The following SLC22A31 variants were observed in gnomAD, a reference collection of about 807,000 sequenced individuals.
The protein encoded by SLC22A31 is solute carrier family 22 member 31, also known as putative solute carrier family 22 member 31.
SLC22A31 carries 42 observed loss-of-function variants against 27.4 expected under a neutral mutation model. The ratio of observed to expected loss-of-function variants is 1.53; its 90% CI spans 1.20 to 1.98. The LOEUF (loss-of-function observed/expected upper bound fraction) is 1.98. Among genes scored for constraint, SLC22A31 ranks in the 30% most tolerant of loss-of-function variants. SLC22A31 has a pLI of 0.00. For synonymous variants in SLC22A31, 290 were observed against 230.8 expected (o/e 1.26, Z -2.33); for missense variants, 593 against 479.9 (o/e 1.24, Z -2.20).
upstream of SLC22A31, among the ~76,000 whole-genome samples, chr16:89,200,663 G>A (rs912062683): frequency 6.6e-6 from 1 of 152,166 alleles, no homozygotes; most frequent in Non-Finnish European, 1.5e-5. Flanking sequence ...CAGGATGGGG[G>A]ATGGGGGCCT....
At chr16:89,196,669 C>G (rs1005171341) in intron 8 of SLC22A31, among the ~76,000 whole-genome samples, 1 of 152,214 alleles carries the variant, frequency 6.6e-6, no homozygotes. Flanking sequence ...GGAAAGTGGC[C>G]GGGCACAGTG....
upstream of SLC22A31, chr16:89,201,172 G>A (rs1597324418): frequency 2.6e-6 from 1 of 378,062 alleles, no homozygotes; most frequent in Middle Eastern, 6.8e-4. Context: ...GCCCGGGTCA[G>A]AGGCGCCAGG....
chr16:89,197,515 T>G, intron 7 of SLC22A31, 106 bp from the exon 8 acceptor site: 1 of 733,558 alleles, frequency 1.4e-6, no homozygotes, highest in Admixed American at 2.8e-5. Flanking sequence ...GGACCCACTT[T>G]CCAAGCCTCC....
At chr16:89,199,864 G>A (rs1916381270) in intron 1 of SLC22A31, 48 bp from the exon 2 acceptor site, 1 of 401,164 alleles carries the variant, frequency 2.5e-6, no homozygotes, top group Non-Finnish European at 4.4e-6. Flanking sequence ...ACCCTCCCCT[G>A]GGGACAGGTG....
At position 89,196,182 on chromosome 16, in the gene SLC22A31, G is replaced by C; in HGVS notation, c.1158C>G (p.Val386=). 1 of 1,535,212 alleles carries C rather than the reference G, an allele frequency of 6.5e-7. No individual in the cohort carries two copies. The highest frequency in any genetic ancestry group is 2.4e-5 in the East Asian group (1 of 40,908). The change falls in exon 9 of 9, where the codon GTC becomes GTG. Residue 386 remains valine (V), a synonymous_variant. Coordinates refer to ENST00000682282, the MANE Select transcript of SLC22A31 (RefSeq NM_001384763.1). The part of the protein sequence containing the change: ...LQQVVFASLA[V]LALLCVLLLP... ...GCAGCAGGACACACAGCAGGGCAAG[G>C]ACAGCAAGGGAGGCGAAGACGACTT...
chr16:89,197,265 C>T, intron 8 of SLC22A31, 33 bp downstream of exon 8: 1 of 1,509,024 alleles, frequency 6.6e-7, no homozygotes. Flanking sequence ...GGCCCTGGAC[C>T]CTGCTGTGTG....
intron 4 of SLC22A31, 61 bp from the exon 5 acceptor site, chr16:89,198,858 G>A: frequency 1.3e-6 from 2 of 1,501,494 alleles, no homozygotes; most frequent in Non-Finnish European, 1.8e-6. Flanking sequence ...GAGAGGCAAA[G>A]GCCAGGGCCC....
At position 89,197,374 on chromosome 16, in the gene SLC22A31, G is replaced by T; in HGVS notation, c.958C>A (p.Leu320Met). The change falls in exon 8 of 9, where the codon CTG becomes ATG. Residue 320 changes from leucine to methionine, a missense_variant. Physicochemically the swap from Leu to Met is conservative, Grantham distance 15. Coordinates refer to ENST00000682282, the MANE Select transcript of SLC22A31 (RefSeq NM_001384763.1). The stretch of plus-strand genomic sequence containing the variant: ...ACAGCCCGGGAGGCCAGGAGCCCCA[G>T]GACAGAGAGGAACAGCACAGTCCAG... ...PGWTVLFLSV[L>M]GLLASRAVSA... is the part of the protein sequence containing the mutation. 6.5e-7 allele frequency: 1 copy of T among 1,535,806 alleles called. No homozygotes were observed. The highest frequency in any genetic ancestry group is 8.7e-7 in the Non-Finnish European group (1 of 1,146,772).
Position 89,198,148 on chromosome 16 carries a change from G to A in SLC22A31, c.896C>T (p.Ser299Phe), listed in dbSNP as rs2151611754. 4 of 1,534,648 alleles carry A rather than the reference G, an allele frequency of 2.6e-6. No individual in the cohort carries two copies. Among genetic ancestry groups the A allele is most frequent in the Non-Finnish European group, 3.5e-6 (4 of 1,146,788 alleles). Residue 299 changes from serine (S) to phenylalanine (F), a missense_variant, in exon 7 of 9, where the codon TCC becomes TTC. Transcript: ENST00000682282. ...LLGTMVTGLA[S>F]LLLLAGAQYL... ...CTGGGCCCCAGCGAGGAGCAGCAGG[G>A]ATGCCAGGCCTGTGACCATGGTGCC...
rs1481438170 is a variant in SLC22A31 at position 89,197,255 on chromosome 16, G to A, written c.1034+43C>T. 8.9e-6 allele frequency: 13 copies of A among 1,464,288 alleles called. No homozygotes were observed. The East Asian group carries it at 2.0e-4, about 22-fold the overall frequency. The allele number at this position is 1,464,288 out of a possible 1,614,324, so 90.7% of individuals were successfully genotyped here. ...CACCTGGCCCCTCCTCCCCATGAGAGGCCCTGGACCCTGCTGTGTGGCCGG... is the reference window on the plus strand; with the variant it reads ...CACCTGGCCCCTCCTCCCCATGAGAAGCCCTGGACCCTGCTGTGTGGCCGG... On this transcript the variant is annotated intron_variant, in intron 8 of 8. Transcript: ENST00000682282.
At chr16:89,197,623 G>A (rs569885613) in intron 7 of SLC22A31, among the ~76,000 whole-genome samples, 7 of 152,248 alleles carry the variant, frequency 4.6e-5, no homozygotes, top group South Asian at 2.1e-4. Flanking sequence ...TCCTGACCCC[G>A]AGCCGCAGCC....
chr16:89,200,701 C>T (rs1916506092), upstream of SLC22A31, among the ~76,000 whole-genome samples: 2 of 152,174 alleles, frequency 1.3e-5, no homozygotes, highest in Admixed American at 6.5e-5. Flanking sequence ...CAGGGGTGTG[C>T]AGGTCTCAGC....
chr16:89,197,303 C>A lies in SLC22A31; in HGVS notation c.1029G>T (p.Val343=). ...SLFAAEVFPT[V]IRGAGLGLVL... ...CGGGCAACCCTGAAGCTCACCTGATCACCGTGGGGAAGACCTCGGCCGCGA... is the reference window on the plus strand; with the variant it reads ...CGGGCAACCCTGAAGCTCACCTGATAACCGTGGGGAAGACCTCGGCCGCGA... The change falls in exon 8 of 9, where the codon GTG becomes GTT. Residue 343 remains valine, a synonymous_variant. Coordinates refer to ENST00000682282, the MANE Select transcript of SLC22A31 (RefSeq NM_001384763.1). The A allele has an allele frequency of 6.5e-7, 1 of 1,535,514 alleles. No individual in the cohort carries two copies. Among genetic ancestry groups the A allele is most frequent in the South Asian group, 1.2e-5 (1 of 84,026 alleles).
rs1157166988 is a variant in SLC22A31 at position 89,199,151 on chromosome 16, G to A, written c.324C>T (p.Ser108=). ...CCACCGAGAAAAGGCCAGCCCCCAT[G>A]GAGAAGGCCAGGCGGTGGGGAGGGT... ...LCDPPHRLAF[S]MGAGLFSVVG... is the part of the protein sequence containing the mutation. The change falls in exon 4 of 9, where the codon TCC becomes TCT. Residue 108 remains serine, a synonymous_variant. Transcript: ENST00000682282. 1 of 1,533,508 alleles carries A rather than the reference G, an allele frequency of 6.5e-7. No homozygotes were observed. The highest frequency in any genetic ancestry group is 8.7e-7 in the Non-Finnish European group (1 of 1,145,998). 95.0% of individuals were successfully genotyped at this position (1,533,508 alleles called of 1,614,324 possible).
intron 8 of SLC22A31, among the ~76,000 whole-genome samples, chr16:89,196,742 T>C (rs1286214028): frequency 1.3e-5 from 2 of 151,950 alleles, no homozygotes; most frequent in African/African-American, 4.8e-5. Flanking sequence ...GGTCAGGAGA[T>C]CGAGACCATC....
Position 89,198,784 on chromosome 16 carries a change from A to G in SLC22A31, c.466T>C (p.Phe156Leu), listed in dbSNP as rs905519547. The G allele has an allele frequency of 2.6e-6, 4 of 1,532,210 alleles. No individual in the cohort carries two copies. The highest frequency in any genetic ancestry group is 3.9e-5 in the Admixed American group (2 of 50,924). The allele number at this position is 1,532,210 out of a possible 1,614,324, so 94.9% of individuals were successfully genotyped here. A position where few individuals can be genotyped will look rare whatever the true frequency, so the allele number is the denominator to read the frequency against. Residue 156 changes from phenylalanine (F) to leucine (L), a missense_variant, in exon 5 of 9, where the codon TTC (phenylalanine) becomes CTC (leucine). Coordinates refer to ENST00000682282, the MANE Select transcript of SLC22A31 (RefSeq NM_001384763.1). ...LLLFWGFPAL[F>L]PESPCWLLAT... ...AGCAGCCAGCAGGGAGACTCGGGGA[A>G]CAGGGCCGGGAACCTGCAGCGTTGG... is the stretch of plus-strand genomic sequence containing the variant.
chr16:89,198,500 G>C lies in SLC22A31; in HGVS notation c.649C>G (p.Leu217Val). 2 of 1,518,058 alleles carry C rather than the reference G, an allele frequency of 1.3e-6. No homozygotes were observed. Among genetic ancestry groups the C allele is most frequent in the South Asian group, 1.2e-5 (1 of 81,514 alleles). 94.0% of individuals were successfully genotyped at this position (1,518,058 alleles called of 1,614,324 possible). A position where few individuals can be genotyped will look rare whatever the true frequency, so the allele number is the denominator to read the frequency against. The change falls in exon 6 of 9, where the codon CTG becomes GTG. Residue 217 changes from leucine (L) to valine (V), a missense_variant. Leu to Val is a conservative substitution (Grantham distance 32). Coordinates refer to ENST00000682282, the MANE Select transcript of SLC22A31 (RefSeq NM_001384763.1). ...GTGACTCGGGTACGCAGAAGCCCCAGTGGGGAGTGGTACCGGGGCTGGGGG... is the reference window on the plus strand; with the variant it reads ...GTGACTCGGGTACGCAGAAGCCCCACTGGGGAGTGGTACCGGGGCTGGGGG... ...RSPQPRYHSP[L>V]GLLRTRVTWR... is the part of the protein sequence containing the mutation.
rs1366000969 is a variant in SLC22A31 at position 89,196,164 on chromosome 16, GAC to G, written c.1174_1175del (p.Val392ProfsTer5). 34 of 1,535,072 alleles carry G rather than the reference GAC, an allele frequency of 2.2e-5. No individual in the cohort carries two copies. The highest frequency in any genetic ancestry group is 3.9e-5 in the Admixed American group (2 of 50,968). Reference protein sequence around the residue: ...ASLAVLALLCVLLLPESRSRG... With the variant: ...ASLAVLALLCXLLLPESRSRG... ...GGCTTCGGCTCTCAGGCAGCAGCAG[GAC>G]ACACAGCAGGGCAAGGACAGCAAGG... On this transcript the variant is annotated frameshift_variant, in exon 9 of 9. Coordinates refer to ENST00000682282, the MANE Select transcript of SLC22A31 (RefSeq NM_001384763.1). LOFTEE classifies it low-confidence loss of function (END_TRUNC).
rs1380513844 is a variant in SLC22A31, at chr16:89,199,201, C to T, written c.284-10G>A. 2 of 1,519,412 alleles carry T rather than the reference C, an allele frequency of 1.3e-6. No homozygotes were observed. The highest frequency in any genetic ancestry group is 1.8e-6 in the Non-Finnish European group (2 of 1,138,596). 94.1% of individuals were successfully genotyped at this position (1,519,412 alleles called of 1,614,324 possible). A position where few individuals can be genotyped will look rare whatever the true frequency, so the allele number is the denominator to read the frequency against. ...TCACACAACTCCAGGCCTGGGCAGACACAGACAGGTTGAAGTGGAGGCCTC... is the reference window on the plus strand; with the variant it reads ...TCACACAACTCCAGGCCTGGGCAGATACAGACAGGTTGAAGTGGAGGCCTC... On this transcript the variant is annotated splice_polypyrimidine_tract_variant and intron_variant, in intron 3 of 8. Transcript: ENST00000682282.
Sources: allele counts gnomAD v4.1 joint callset (sites outside exome capture counted in the v4.1 genomes callset), GRCh38; gene constraint gnomAD v4.1.1; transcripts MANE v1.5; gene names NCBI Gene and HGNC (gene_info 2026-07-23, HGNC 2026-07-21).